TENM3: variants seen among roughly 807,000 people sequenced by gnomAD.
TENM3 encodes teneurin transmembrane protein 3.
In TENM3, 63 loss-of-function variants were observed where a neutral mutation model predicts 255.1. The observed-to-expected ratio is 0.25, with a 90% CI of 0.20 to 0.30. TENM3 has a LOEUF of 0.30. Among genes scored for constraint, TENM3 ranks in the 10% least tolerant of loss-of-function variants. The pLI is 1.00. For missense variants in TENM3, 2,929 were observed against 3,461.1 expected, an observed-to-expected ratio of 0.85 and a Z score of 3.86; for synonymous variants, 1,306 against 1,322.3, an observed-to-expected ratio of 0.99 and a Z score of 0.27.
chr4:182,726,720 CT>C (rs1277112761), intron 13 of TENM3, among the ~76,000 whole-genome samples: 2 of 152,172 alleles, frequency 1.3e-5, no homozygotes, highest in Non-Finnish European at 2.9e-5. Flanking sequence ...GCGTCCGCTA[CT>C]TTTATTCTTC....
At chr4:182,592,955 C>G (rs559998788) in intron 3 of TENM3, among the ~76,000 whole-genome samples, 1 of 152,224 alleles carries the variant, frequency 6.6e-6, no homozygotes, top group East Asian at 1.9e-4. Flanking sequence ...TTTAAATGTT[C>G]GTCAAGTTCA....
At chr4:182,620,595 C>T (rs556532893) in intron 4 of TENM3, among the ~76,000 whole-genome samples, 1 of 152,320 alleles carries the variant, frequency 6.6e-6, no homozygotes. Flanking sequence ...AGGAATCCGT[C>T]TACACAAAAT....
chr4:181,860,292 G>A, the TENM3 span, among the ~76,000 whole-genome samples: 1 of 152,242 alleles, frequency 6.6e-6, no homozygotes, highest in East Asian at 1.9e-4. Flanking sequence ...ATTTACTTTG[G>A]TTTGATTTTT....
chr4:181,919,890 C>T, the TENM3 span, among the ~76,000 whole-genome samples: 2 of 118,924 alleles, frequency 1.7e-5, no homozygotes, highest in African/African-American at 6.4e-5. Context: ...CCCCTCCCCC[C>T]ACCCCACAAC....
At chr4:182,690,412 T>C (rs1756923897) in intron 12 of TENM3, among the ~76,000 whole-genome samples, 1 of 152,164 alleles carries the variant, frequency 6.6e-6, no homozygotes, top group Non-Finnish European at 1.5e-5. Context: ...GCAATACCTC[T>C]ATAACCAAAC....
intron 16 of TENM3, 51 bp downstream of exon 16, chr4:182,731,190 GTTT>G (rs1760672097): frequency 6.3e-7 from 1 of 1,575,206 alleles, no homozygotes; most frequent in African/African-American, 1.4e-5. Context: ...TTCAGATCAT[GTTT>G]TGCCAGAGAA....
chr4:181,674,539 A>T, the TENM3 span, among the ~76,000 whole-genome samples: 1 of 152,206 alleles, frequency 6.6e-6, no homozygotes, highest in East Asian at 1.9e-4. Context: ...GTGAAATTCC[A>T]AGAAGGTAAT....
chr4:181,490,641 G>A, the TENM3 span, among the ~76,000 whole-genome samples: 14,558 of 152,134 alleles, frequency 0.096, 778 homozygotes, highest in Non-Finnish European at 0.12. Context: ...ATTTTATGCT[G>A]ATATTCGTCA....
At chr4:182,604,949 G>A (rs751949951) in intron 4 of TENM3, among the ~76,000 whole-genome samples, 16 of 151,954 alleles carry the variant, frequency 1.1e-4, no homozygotes, top group Non-Finnish European at 1.6e-4. Context: ...TGTTAACGTC[G>A]TTAAAAAAAC....
intron 22 of TENM3, among the ~76,000 whole-genome samples, chr4:182,771,487 C>T (rs1011795438): frequency 7.2e-6 from 1 of 139,230 alleles, no homozygotes; most frequent in African/African-American, 2.6e-5. Flanking sequence ...TTTCATTTTC[C>T]GTCTCTGAAA....
chr4:181,498,770 A>G, the TENM3 span, among the ~76,000 whole-genome samples: 1 of 152,202 alleles, frequency 6.6e-6, no homozygotes, highest in Non-Finnish European at 1.5e-5. Flanking sequence ...ATAGGATTCA[A>G]GCAGATGTTT....
At chr4:182,757,203 T>A (rs1762801937) in intron 22 of TENM3, among the ~76,000 whole-genome samples, 1 of 148,958 alleles carries the variant, frequency 6.7e-6, no homozygotes, top group East Asian at 2.0e-4. Context: ...TGCCAGCTAG[T>A]TGGGAGGCTG....
chr4:181,903,110 A>G, the TENM3 span, among the ~76,000 whole-genome samples: 1 of 152,142 alleles, frequency 6.6e-6, no homozygotes, highest in African/African-American at 2.4e-5. Context: ...TACTCAGCAA[A>G]TAGTCACTGG....
At chr4:182,301,127 C>T (rs903332653) in intron 1 of TENM3, among the ~76,000 whole-genome samples, 6 of 152,132 alleles carry the variant, frequency 3.9e-5, no homozygotes, top group African/African-American at 1.4e-4. Context: ...ATACATGTTT[C>T]CTTTCACCGT....
the TENM3 span, among the ~76,000 whole-genome samples, chr4:182,121,321 C>T: frequency 1.3e-5 from 2 of 152,084 alleles, no homozygotes; most frequent in African/African-American, 4.8e-5. Context: ...TTAAAAGGTG[C>T]ACTCTGGCTT....
chr4:182,255,914 T>A (rs916860626), intron 1 of TENM3, among the ~76,000 whole-genome samples: 5 of 152,188 alleles, frequency 3.3e-5, no homozygotes, highest in Admixed American at 6.5e-5. Context: ...AACTCTCACA[T>A]CCCCTTAAAT....
the TENM3 span, among the ~76,000 whole-genome samples, chr4:182,097,673 G>A: frequency 3.3e-5 from 5 of 151,718 alleles, no homozygotes; most frequent in East Asian, 1.9e-4. Flanking sequence ...GGCTGGCCCC[G>A]TGTGGTCCGG....
the TENM3 span, among the ~76,000 whole-genome samples, chr4:181,705,051 CAAAAAA>C: frequency 4.1e-5 from 6 of 147,364 alleles, no homozygotes; most frequent in South Asian, 2.1e-4. Context: ...CAAAACAAAA[CAAAAAA>C]AAAAAAACAA....
chr4:182,783,173 T>A (rs1446802822), intron 24 of TENM3, among the ~76,000 whole-genome samples: 2 of 152,376 alleles, frequency 1.3e-5, no homozygotes, highest in East Asian at 3.9e-4. Flanking sequence ...CATTTTGGCA[T>A]GACTTTGCAG....
Sources: gnomAD v4.1 joint callset for allele counts (sites outside exome capture counted in the v4.1 genomes callset) on GRCh38, gnomAD v4.1.1 for gene constraint, MANE v1.5 for transcripts, NCBI Gene and HGNC (gene_info 2026-07-23, HGNC 2026-07-21) for gene names.